USP39: variants seen among roughly 807,000 people sequenced by gnomAD.
USP39 encodes the protein ubiquitin carboxyl-terminal hydrolase 39.
A neutral mutation model predicts 66.4 loss-of-function variants in USP39; 38 were observed. That is an observed-to-expected ratio of 0.57 (90% CI 0.44 to 0.75). USP39 has a LOEUF of 0.75. Among genes scored for constraint, USP39 ranks in the 30% least tolerant of loss-of-function variants. USP39 has a pLI of 0.00. For synonymous variants in USP39, 303 were observed against 274.6 expected (o/e 1.10, Z -1.02); for missense variants, 608 against 714.4 (o/e 0.85, Z 1.70).
chr2:85,645,266 C>A, intron 11 of USP39, 183 bp downstream of exon 11: 22 of 626,144 alleles, frequency 3.5e-5, no homozygotes, highest in Non-Finnish European at 5.2e-5. Context: ...ACATTGGACT[C>A]ACCTTGGGAG....
intron 2 of USP39, among the ~76,000 whole-genome samples, chr2:85,619,733 A>T (rs1291643027): frequency 6.6e-6 from 1 of 152,030 alleles, no homozygotes; most frequent in Non-Finnish European, 1.5e-5. Context: ...TTACAATAAT[A>T]TAATTACTCT....
chr2:85,612,921 A>G (rs1673660648), upstream of USP39, among the ~76,000 whole-genome samples: 1 of 150,336 alleles, frequency 6.7e-6, no homozygotes, highest in Non-Finnish European at 1.5e-5. Context: ...TCGGCCTCCC[A>G]AAGTGTTGGG....
chr2:85,639,179 T>G (rs776645549), intron 8 of USP39, 24 bp from the exon 9 acceptor site: 10 of 1,601,582 alleles, frequency 6.2e-6, no homozygotes, highest in Middle Eastern at 1.7e-4. Flanking sequence ...TCCTTTCCTC[T>G]CTTTTCTTCT....
At chr2:85,609,683 C>G, upstream of USP39, 1 of 1,474,594 alleles carries the variant, frequency 6.8e-7, no homozygotes, top group East Asian at 2.3e-5. Context: ...TAGGAAAGCC[C>G]CAGTCTTCTT....
At chr2:85,640,333 G>A (rs1676130801) in intron 9 of USP39, among the ~76,000 whole-genome samples, 1 of 150,356 alleles carries the variant, frequency 6.7e-6, no homozygotes, top group Non-Finnish European at 1.5e-5. Context: ...CTGTTGCCTA[G>A]GCTGGAGTGC....
At chr2:85,639,136 T>G in intron 8 of USP39, 67 bp from the exon 9 acceptor site, 1 of 1,441,988 alleles carries the variant, frequency 6.9e-7, no homozygotes, top group Non-Finnish European at 9.3e-7. Flanking sequence ...TGGTAAAACA[T>G]CGGTTCTGTG....
chr2:85,619,073 T>C, intron 1 of USP39, 147 bp from the exon 2 acceptor site: 1 of 863,558 alleles, frequency 1.2e-6, no homozygotes, highest in Non-Finnish European at 1.8e-6. Context: ...GCCCGGCTAG[T>C]GGACTTTTTT....
At chr2:85,647,658 C>CAAAAAAA (rs397707342) in intron 11 of USP39, among the ~76,000 whole-genome samples, 2 of 82,482 alleles carry the variant, frequency 2.4e-5, no homozygotes, top group Non-Finnish European at 2.7e-5. Context: ...GACCCTGTCT[C>CAAAAAAA]AAAAAAAAAA....
upstream of USP39, chr2:85,609,681 C>T: frequency 1.4e-6 from 2 of 1,473,176 alleles, no homozygotes; most frequent in Non-Finnish European, 1.8e-6. Flanking sequence ...GTTAGGAAAG[C>T]CCCAGTCTTC....
chr2:85,616,168 G>T (rs1294417960), upstream of USP39: 7 of 1,401,666 alleles, frequency 5.0e-6, no homozygotes, highest in East Asian at 8.3e-5. Context: ...CTTGGCGCCT[G>T]CGCTGGACGA....
At chr2:85,641,945 A>AG (rs1573446646) in intron 10 of USP39, among the ~76,000 whole-genome samples, 2 of 149,882 alleles carry the variant, frequency 1.3e-5, no homozygotes, top group East Asian at 3.9e-4. Context: ...AAAGAAAGAA[A>AG]ATAGTGTCAG....
chr2:85,607,292 C>T (rs1485754906), upstream of USP39: 7 of 152,178 alleles, frequency 4.6e-5, no homozygotes, highest in Non-Finnish European at 1.5e-5. Context: ...CCAGGAAGAA[C>T]AGGGGTGGAG....
chr2:85,648,440 G>C (rs929661611), intron 12 of USP39, among the ~76,000 whole-genome samples: 1 of 152,136 alleles, frequency 6.6e-6, no homozygotes, highest in African/African-American at 2.4e-5. Context: ...CGCTTTGCCT[G>C]TCTGTCCTCT....
At chr2:85,619,357 G>A in intron 2 of USP39, 68 bp downstream of exon 2, 2 of 1,528,646 alleles carry the variant, frequency 1.3e-6, no homozygotes, top group Non-Finnish European at 1.8e-6. Flanking sequence ...TTTTTGGACT[G>A]TACAGTGAAC....
intron 2 of USP39, among the ~76,000 whole-genome samples, chr2:85,620,037 T>A (rs539771381): frequency 3.5e-4 from 53 of 151,816 alleles, no homozygotes; most frequent in Middle Eastern, 6.8e-3. Flanking sequence ...GTATTTTTTT[T>A]AGAAGAGACG....
At chr2:85,611,984 T>G, upstream of USP39, 1 of 1,531,104 alleles carries the variant, frequency 6.5e-7, no homozygotes, top group Non-Finnish European at 8.7e-7. Flanking sequence ...CCCGCCTCCA[T>G]CAGGAGCCGG....
Position 85,637,897 on chromosome 2 carries a change from T to C in USP39, c.1095+461T>C, listed in dbSNP as rs182455712. On this transcript the variant is annotated intron_variant, in intron 8 of 12. Coordinates refer to ENST00000323701, the MANE Select transcript of USP39 (RefSeq NM_006590.4). ...TTTTAGTTGTGACGGGGCTTCACCA[T>C]GTTGGTCCAGGCTGGTCTCGAACTC... 1.9e-4 allele frequency among the ~76,000 whole-genome samples: 29 copies of C among 152,278 alleles called. No homozygotes were observed. The East Asian group carries it at 5.6e-3, about 29-fold the overall frequency.
intron 6 of USP39, among the ~76,000 whole-genome samples, chr2:85,635,822 C>T (rs1360696304): frequency 6.6e-6 from 1 of 152,048 alleles, no homozygotes; most frequent in Non-Finnish European, 1.5e-5. Context: ...GCGATACAGT[C>T]CTGGTATGAA....
intron 6 of USP39, among the ~76,000 whole-genome samples, chr2:85,631,269 T>A (rs959568688): frequency 6.7e-6 from 1 of 148,826 alleles, no homozygotes; most frequent in African/African-American, 2.5e-5. Flanking sequence ...CTACTCGGCC[T>A]CCCAAAGTGC....
Sources: gnomAD v4.1 joint callset for allele counts (sites outside exome capture counted in the v4.1 genomes callset) on GRCh38, gnomAD v4.1.1 for gene constraint, MANE v1.5 for transcripts, NCBI Gene and HGNC (gene_info 2026-07-23, HGNC 2026-07-21) for gene names.